The following PTK2B variants were observed in gnomAD, a reference collection of about 807,000 sequenced individuals.
The protein encoded by PTK2B is protein-tyrosine kinase 2-beta.
In PTK2B, 71 loss-of-function variants were observed where a neutral mutation model predicts 142.9. The observed-to-expected ratio is 0.50, with a 90% CI of 0.41 to 0.61. The LOEUF (loss-of-function observed/expected upper bound fraction) is 0.61, where lower values mean the gene tolerates loss of function less well. Ranked by LOEUF, PTK2B falls within the 20% of genes least tolerant of loss-of-function variation. PTK2B has a pLI of 0.00. For missense variants in PTK2B, 1,105 were observed against 1,320.4 expected, an observed-to-expected ratio of 0.84 and a Z score of 2.53; for synonymous variants, 519 against 503.4, an observed-to-expected ratio of 1.03 and a Z score of -0.42.
At chr8:27,445,420 A>G (rs1007040689) in intron 23 of PTK2B, among the ~76,000 whole-genome samples, 10 of 152,200 alleles carry the variant, frequency 6.6e-5, no homozygotes. Flanking sequence ...CTGAATTTTT[A>G]AAAAACAATT....
At chr8:27,365,448 C>T (rs527414417) in intron 1 of PTK2B, among the ~76,000 whole-genome samples, 23 of 152,312 alleles carry the variant, frequency 1.5e-4, no homozygotes, top group African/African-American at 5.5e-4. Context: ...TTTAGCAAGA[C>T]AGGGACCTGC....
rs78009717 is a variant in PTK2B, at chr8:27,426,121, G to A, written c.551+3738G>A. Among the ~76,000 whole-genome samples, 451 of 152,230 alleles carry A rather than the reference G, an allele frequency of 3.0e-3. 1 individual carries two copies. Among genetic ancestry groups the A allele is most frequent in the African/African-American group, 0.011 (439 of 41,526 alleles). ...ACAGAGAATACGTAACCCCAGATTA[G>A]CTAAGTAACTGTTAATAAATAAAGA... On this transcript the variant is annotated intron_variant, in intron 5 of 30. Coordinates refer to ENST00000346049, the MANE Select transcript of PTK2B (RefSeq NM_173176.3).
At chr8:27,316,497 T>C (rs144451567) in intron 3 of PTK2B, among the ~76,000 whole-genome samples, 1 of 152,246 alleles carries the variant, frequency 6.6e-6, no homozygotes, top group African/African-American at 2.4e-5. Flanking sequence ...GGTTTGACTA[T>C]GTTAATATCA....
chr8:27,451,576 C>G (rs1337808474), intron 27 of PTK2B, 67 bp downstream of exon 27: 4 of 1,612,174 alleles, frequency 2.5e-6, no homozygotes, highest in South Asian at 2.2e-5. Context: ...CCATCCTTGC[C>G]CACCGCCCAG....
Position 27,340,256 on chromosome 8 carries a change from G to A in PTK2B, c.-38+14575G>A, listed in dbSNP as rs118188911. Among the ~76,000 whole-genome samples the A allele has an allele frequency of 9.7e-4, 148 of 152,364 alleles. 2 individuals are homozygous for A. In the East Asian group the frequency reaches 0.027, roughly 28 times the overall value. ...ATGACAGTGGAGCAGATGCCATGGA[G>A]GCAGGAAGGCCAGAGCTACCAACTT... On this transcript the variant is annotated intron_variant, in intron 1 of 30. Coordinates refer to ENST00000346049, the MANE Select transcript of PTK2B (RefSeq NM_173176.3).
At chr8:27,325,221 C>G (rs771012453), upstream of PTK2B, 1 of 152,230 alleles carries the variant, frequency 6.6e-6, no homozygotes, top group Non-Finnish European at 1.5e-5. Flanking sequence ...CCCTGCGCCC[C>G]CACCCACCTC....
At chr8:27,391,632 A>G (rs765676574) in intron 1 of PTK2B, among the ~76,000 whole-genome samples, 10 of 152,224 alleles carry the variant, frequency 6.6e-5, no homozygotes, top group Non-Finnish European at 8.8e-5. Context: ...AACCTGGTGC[A>G]TCTGGAGGGG....
chr8:27,403,073 T>C (rs1400763474), intron 2 of PTK2B, among the ~76,000 whole-genome samples: 1 of 152,238 alleles, frequency 6.6e-6, no homozygotes, highest in Non-Finnish European at 1.5e-5. Context: ...GCAGCCCTTC[T>C]TCTCTCTGCT....
chr8:27,348,344 A>G (rs1035594038), intron 1 of PTK2B, among the ~76,000 whole-genome samples: 4 of 152,156 alleles, frequency 2.6e-5, no homozygotes, highest in African/African-American at 9.7e-5. Flanking sequence ...TCTGCATGAC[A>G]GGACTCTCCT....
chr8:27,352,360 G>A (rs1050476344), intron 1 of PTK2B, among the ~76,000 whole-genome samples: 8 of 152,184 alleles, frequency 5.3e-5, no homozygotes, highest in Non-Finnish European at 8.8e-5. Flanking sequence ...AGGCCAACAT[G>A]TGTTCCTGCA....
chr8:27,395,013 TGTC>T (rs574637970), intron 1 of PTK2B, among the ~76,000 whole-genome samples: 110 of 152,280 alleles, frequency 7.2e-4, no homozygotes, highest in African/African-American at 2.5e-3. Context: ...ATGAGAGTAA[TGTC>T]TTCTTCTGGA....
intron 1 of PTK2B, among the ~76,000 whole-genome samples, chr8:27,351,798 T>A (rs1348338072): frequency 6.6e-6 from 1 of 152,130 alleles, no homozygotes; most frequent in African/African-American, 2.4e-5. Context: ...AGACACCTGG[T>A]TATGTAGGAT....
At position 27,397,631 on chromosome 8, in the gene PTK2B, T is replaced by A; in HGVS notation, c.47T>A (p.Leu16Ter). Residue 16 changes from leucine to a stop codon, truncating the protein, a stop_gained, in exon 2 of 31, where the codon TTA becomes TAA. Coordinates refer to ENST00000346049, the MANE Select transcript of PTK2B (RefSeq NM_173176.3). LOFTEE classifies it high-confidence loss of function. ...CTGAGTCGAGTAAAGTTGGGCACGT[T>A]ACGCCGGCCTGAAGGCCCTGCAGAG... is the stretch of plus-strand genomic sequence containing the variant. ...EPLSRVKLGTLRRPEGPAEPM... is the reference protein window; with the variant it reads ...EPLSRVKLGT 1 of 1,614,204 alleles carries A rather than the reference T, an allele frequency of 6.2e-7. No individual in the cohort carries two copies. The highest frequency in any genetic ancestry group is 8.5e-7 in the Non-Finnish European group (1 of 1,180,036).
At chr8:27,432,031 T>C (rs565768911) in intron 9 of PTK2B, 50 of 472,554 alleles carry the variant, frequency 1.1e-4, no homozygotes, top group African/African-American at 9.4e-4. Context: ...TGTTAGTGTA[T>C]TTTATGTGTG....
intron 1 of PTK2B, among the ~76,000 whole-genome samples, chr8:27,378,525 T>C (rs772608354): frequency 1.3e-4 from 20 of 152,150 alleles, no homozygotes; most frequent in Non-Finnish European, 2.2e-4. Context: ...GATAAGGTGA[T>C]GTCTCCAAGT....
chr8:27,378,294 C>G (rs768938437), intron 1 of PTK2B, among the ~76,000 whole-genome samples: 2 of 152,156 alleles, frequency 1.3e-5, no homozygotes, highest in Non-Finnish European at 2.9e-5. Flanking sequence ...TTAGCCCAGA[C>G]CTTAAGGAAT....
intron 1 of PTK2B, among the ~76,000 whole-genome samples, chr8:27,389,609 C>T (rs982525309): frequency 2.0e-5 from 3 of 152,312 alleles, no homozygotes; most frequent in Admixed American, 1.3e-4. Context: ...GGGGGACTCC[C>T]AGTGGGTAAT....
chr8:27,430,562 C>T, intron 7 of PTK2B, 144 bp downstream of exon 7: 1 of 1,119,000 alleles, frequency 8.9e-7, no homozygotes, highest in Non-Finnish European at 1.3e-6. Context: ...CTAAATGTAC[C>T]CAGGGGTCCT....
chr8:27,413,285 C>T (rs1340197947), intron 2 of PTK2B, among the ~76,000 whole-genome samples: 1 of 152,242 alleles, frequency 6.6e-6, no homozygotes, highest in Admixed American at 6.5e-5. Context: ...CATTCTCCTA[C>T]AGAAGATGTG....
Sources: gnomAD v4.1 joint callset for allele counts (sites outside exome capture counted in the v4.1 genomes callset) on GRCh38, gnomAD v4.1.1 for gene constraint, MANE v1.5 for transcripts, NCBI Gene and HGNC (gene_info 2026-07-23, HGNC 2026-07-21) for gene names.